The following RTN1 variants were observed in gnomAD, a reference collection of about 807,000 sequenced individuals.
The protein encoded by RTN1 is reticulon-1.
RTN1 carries 25 observed loss-of-function variants against 65.5 expected under a neutral mutation model. The observed-to-expected ratio is 0.38, with a 90% CI of 0.28 to 0.53. The LOEUF is 0.53. RTN1 is among the 20% of genes least tolerant of loss of function. The pLI is 0.79. For synonymous variants in RTN1, 471 were observed against 447.6 expected (o/e 1.05, Z -0.66); for missense variants, 983 against 1,025.4 (o/e 0.96, Z 0.57).
intron 3 of RTN1, among the ~76,000 whole-genome samples, chr14:59,676,203 T>C (rs1183383185): frequency 6.6e-6 from 1 of 152,242 alleles, no homozygotes; most frequent in African/African-American, 2.4e-5. Flanking sequence ...GAATGTATAC[T>C]TATGACTAAC....
intron 3 of RTN1, among the ~76,000 whole-genome samples, chr14:59,662,414 G>GT (rs908651290): frequency 2.7e-5 from 4 of 147,830 alleles, no homozygotes; most frequent in Non-Finnish European, 5.9e-5. Context: ...TGCGGTGTTT[G>GT]TTTTTTTGTC....
intron 3 of RTN1, among the ~76,000 whole-genome samples, chr14:59,691,185 T>G (rs1274540053): frequency 4.6e-5 from 7 of 152,048 alleles, no homozygotes; most frequent in African/African-American, 1.7e-4. Flanking sequence ...GATAGCCCAC[T>G]AGCTAGATTA....
At chr14:59,686,859 G>GATTAA (rs1433761766) in intron 3 of RTN1, among the ~76,000 whole-genome samples, 4 of 152,180 alleles carry the variant, frequency 2.6e-5, no homozygotes, top group African/African-American at 4.8e-5. Flanking sequence ...CCAAGAACAG[G>GATTAA]ACACCATTTT....
At chr14:59,622,474 C>G (rs1882281542) in intron 3 of RTN1, among the ~76,000 whole-genome samples, 1 of 152,020 alleles carries the variant, frequency 6.6e-6, no homozygotes, top group African/African-American at 2.4e-5. Flanking sequence ...TAGCAAGCTT[C>G]CAATGATTTA....
chr14:59,869,681 G>T lies in RTN1; in HGVS notation c.241+709C>A, dbSNP rs149373443. Among the ~76,000 whole-genome samples, 604 of 151,932 alleles carry T rather than the reference G, an allele frequency of 4.0e-3. 8 individuals carry two copies. The highest frequency in any genetic ancestry group is 0.014 in the African/African-American group (560 of 41,428). ...GCCAGGCCCGCCGCACTTAGGACTT[G>T]AAGTTTCAATGCTCCCTGCAAGGTG... is the stretch of plus-strand genomic sequence containing the variant. On this transcript the variant is annotated intron_variant, in intron 1 of 8. Transcript: ENST00000267484.
chr14:59,629,357 A>G (rs1882482957), intron 3 of RTN1, among the ~76,000 whole-genome samples: 1 of 152,224 alleles, frequency 6.6e-6, no homozygotes, highest in African/African-American at 2.4e-5. Context: ...AAAACCCTAC[A>G]GAGGCATTAA....
chr14:59,852,015 C>T (rs1016463938), intron 1 of RTN1, among the ~76,000 whole-genome samples: 5 of 152,130 alleles, frequency 3.3e-5, no homozygotes, highest in Admixed American at 6.5e-5. Context: ...AAAATAGGAA[C>T]AGTTCTCTAA....
chr14:59,870,647 G>C lies in RTN1; in HGVS notation c.-17C>G, dbSNP rs1887886491. 2 of 1,364,650 alleles carry C rather than the reference G, an allele frequency of 1.5e-6. No individual in the cohort carries two copies. The highest frequency in any genetic ancestry group is 3.5e-5 in the South Asian group (2 of 56,746). 84.5% of individuals were successfully genotyped at this position (1,364,650 alleles called of 1,614,324 possible). A position where few individuals can be genotyped will look rare whatever the true frequency, so the allele number is the denominator to read the frequency against. ...CGCGGCCATGGCTGGCGGTCCCCCGGCGCGGCGACGGCGGCTTGGCTGGGC... is the reference window on the plus strand; with the variant it reads ...CGCGGCCATGGCTGGCGGTCCCCCGCCGCGGCGACGGCGGCTTGGCTGGGC... On this transcript the variant is annotated 5_prime_UTR_variant, in exon 1 of 9. Transcript: ENST00000267484. This position sits in a 1 kb window ranked among gnomAD's most constrained non-coding sequence, Gnocchi z 5.1.
intron 3 of RTN1, among the ~76,000 whole-genome samples, chr14:59,645,397 A>G (rs2349697): frequency 0.3 from 43,425 of 146,644 alleles, 7,214 homozygotes; most frequent in Admixed American, 0.43. Flanking sequence ...TTTTCTATAT[A>G]TTACATGTTT....
intron 1 of RTN1, among the ~76,000 whole-genome samples, chr14:59,812,601 G>A (rs2139614803): frequency 6.6e-6 from 1 of 152,296 alleles, no homozygotes; most frequent in South Asian, 2.1e-4. Context: ...GGGTATGTGT[G>A]TGCATGTGTG....
At chr14:59,831,708 C>A (rs1256983144) in intron 1 of RTN1, among the ~76,000 whole-genome samples, 1 of 152,066 alleles carries the variant, frequency 6.6e-6, no homozygotes, top group Non-Finnish European at 1.5e-5. Flanking sequence ...TCTTGGCAGT[C>A]CCAGAATATG....
chr14:59,607,908 A>G (rs1046781098), intron 3 of RTN1, among the ~76,000 whole-genome samples: 28 of 143,666 alleles, frequency 1.9e-4, no homozygotes, highest in Admixed American at 1.0e-3. Flanking sequence ...CTTAAAAAAA[A>G]AAAAAAAGAG....
chr14:59,684,097 T>C (rs1212904822), intron 3 of RTN1, among the ~76,000 whole-genome samples: 1 of 152,050 alleles, frequency 6.6e-6, no homozygotes, highest in Non-Finnish European at 1.5e-5. Flanking sequence ...AAGACTTTAA[T>C]TTTAATTAGA....
chr14:59,651,941 A>G (rs941133272), intron 3 of RTN1, among the ~76,000 whole-genome samples: 2 of 152,194 alleles, frequency 1.3e-5, no homozygotes, highest in Non-Finnish European at 2.9e-5. Flanking sequence ...CAAACTATGC[A>G]TCAAAGGTCT....
intron 3 of RTN1, among the ~76,000 whole-genome samples, chr14:59,708,315 TCAGA>T (rs1884343195): frequency 6.6e-6 from 1 of 152,248 alleles, no homozygotes; most frequent in African/African-American, 2.4e-5. Context: ...GCAGCAACCC[TCAGA>T]CAGACATTTT....
At chr14:59,680,063 C>T (rs985133917) in intron 3 of RTN1, among the ~76,000 whole-genome samples, 1 of 152,230 alleles carries the variant, frequency 6.6e-6, no homozygotes, top group East Asian at 1.9e-4. Context: ...ATTTACAATA[C>T]CTCTGACAAA....
At chr14:59,835,455 A>T (rs1273815681) in intron 1 of RTN1, among the ~76,000 whole-genome samples, 4 of 152,248 alleles carry the variant, frequency 2.6e-5, no homozygotes, top group African/African-American at 9.6e-5. Context: ...AGTTTATTTT[A>T]TGTTGATTTT....
intron 3 of RTN1, among the ~76,000 whole-genome samples, chr14:59,651,575 T>C: frequency 6.6e-6 from 1 of 152,112 alleles, no homozygotes; most frequent in East Asian, 1.9e-4. Context: ...CTGTCTCTAC[T>C]AAAAATACAA....
At chr14:59,667,245 A>T (rs1392364014) in intron 3 of RTN1, among the ~76,000 whole-genome samples, 1 of 152,196 alleles carries the variant, frequency 6.6e-6, no homozygotes. Context: ...GCAGCATATC[A>T]AAAAGCTTAT....
Sources: allele counts gnomAD v4.1 joint callset (sites outside exome capture counted in the v4.1 genomes callset), GRCh38; gene constraint gnomAD v4.1.1; non-coding constraint Gnocchi (gnomAD v3.1); transcripts MANE v1.5; gene names NCBI Gene and HGNC (gene_info 2026-07-23, HGNC 2026-07-21).